The following DENND2D variants were observed in gnomAD, a reference collection of about 807,000 sequenced individuals.
The protein encoded by DENND2D is DENN domain-containing protein 2D.
In DENND2D, 37 loss-of-function variants were observed where a neutral mutation model predicts 59.8. The observed-to-expected ratio is 0.62, with a 90% confidence interval of 0.48 to 0.81. The LOEUF is 0.81. Among genes scored for constraint, DENND2D ranks in the 40% least tolerant of loss-of-function variants. The pLI, the probability that DENND2D is intolerant of heterozygous loss-of-function variation, is 0.00. For missense variants in DENND2D, 525 were observed against 579.7 expected (o/e 0.91, Z 0.97); for synonymous variants, 219 against 211.3 (o/e 1.04, Z -0.31).
chr1:111,197,867 C>T (rs374573409), intron 4 of DENND2D, 53 bp downstream of exon 4: 91 of 1,610,992 alleles, frequency 5.6e-5, no homozygotes, highest in Admixed American at 1.5e-4. Flanking sequence ...CAAGCCCAGC[C>T]GTGGAGCTGA....
chr1:111,194,499 C>G (rs776117297), intron 7 of DENND2D, 79 bp downstream of exon 7: 11 of 1,540,566 alleles, frequency 7.1e-6, no homozygotes, highest in Non-Finnish European at 9.7e-6. Context: ...GCCCATTTTC[C>G]TTGGATAACC....
chr1:111,190,676 C>T (rs945650575), intron 8 of DENND2D, among the ~76,000 whole-genome samples: 6 of 152,186 alleles, frequency 3.9e-5, no homozygotes, highest in Non-Finnish European at 7.3e-5. Flanking sequence ...TTTAAATGCC[C>T]GCTGGGCCTC....
Position 111,187,536 on chromosome 1 carries a change from T to G in DENND2D, c.*69A>C. 1 of 1,382,436 alleles carries G rather than the reference T, an allele frequency of 7.2e-7. No individual in the cohort carries two copies. The highest frequency in any genetic ancestry group is 1.0e-6 in the Non-Finnish European group (1 of 973,706). 85.6% of individuals were successfully genotyped at this position (1,382,436 alleles called of 1,614,324 possible). ...TGGGAGCTGACAGTTTTGCTGATCCTGCCACACTGGCAGGGGCTGAAGTCC... is the reference window on the plus strand; with the variant it reads ...TGGGAGCTGACAGTTTTGCTGATCCGGCCACACTGGCAGGGGCTGAAGTCC... On this transcript the variant is annotated 3_prime_UTR_variant, in exon 12 of 12. Transcript: ENST00000357640.
intron 3 of DENND2D, 34 bp downstream of exon 3, chr1:111,198,596 A>C: frequency 1.2e-6 from 2 of 1,606,382 alleles, no homozygotes; most frequent in Non-Finnish European, 1.7e-6. Flanking sequence ...CTTCTCCCCA[A>C]ATCCAATACC....
intron 5 of DENND2D, 21 bp downstream of exon 5, chr1:111,197,155 C>T (rs772592890): frequency 1.9e-6 from 3 of 1,611,044 alleles, no homozygotes. Context: ...ATGGGCAGGC[C>T]CTGAGGAATC....
upstream of DENND2D, chr1:111,202,561 G>A (rs1292231173): frequency 6.6e-6 from 1 of 152,160 alleles, no homozygotes; most frequent in African/African-American, 2.4e-5. Context: ...ACACACACCT[G>A]ACTGAAGTCC....
upstream of DENND2D, chr1:111,204,215 A>C (rs1338785433): frequency 1.5e-6 from 2 of 1,358,196 alleles, no homozygotes; most frequent in African/African-American, 3.2e-5. Context: ...GCCGCCCTCC[A>C]CCGGGCCCCA....
chr1:111,190,152 A>T (rs1657625712), intron 8 of DENND2D, among the ~76,000 whole-genome samples: 1 of 136,456 alleles, frequency 7.3e-6, no homozygotes, highest in South Asian at 2.5e-4. Context: ...CGACACAGCG[A>T]GACTCTGTCT....
rs1657419389 is a variant in DENND2D, at chr1:111,188,381, T to C, written c.1100-11A>G. On this transcript the variant is annotated splice_polypyrimidine_tract_variant and intron_variant, in intron 10 of 11. Coordinates refer to ENST00000357640, the MANE Select transcript of DENND2D (RefSeq NM_024901.5). ...TGATTTGTTCTGCAGCTGCAGGAGA[T>C]ATAAAGGCCATCTCAGAGGGTAGCA... 6.2e-7 allele frequency: 1 copy of C among 1,611,630 alleles called. No homozygotes were observed. The highest frequency in any genetic ancestry group is 1.7e-5 in the Admixed American group (1 of 59,958).
chr1:111,195,724 G>A lies in DENND2D; in HGVS notation c.645+192C>T, dbSNP rs1571189361. 5 of 696,036 alleles carry A rather than the reference G, an allele frequency of 7.2e-6. No homozygotes were observed. In the East Asian group the frequency reaches 1.1e-4, roughly 15 times the overall value. The allele number at this position is 696,036 out of a possible 1,614,324, so 43.1% of individuals were successfully genotyped here. A position where few individuals can be genotyped will look rare whatever the true frequency, so the allele number is the denominator to read the frequency against. On this transcript the variant is annotated intron_variant, in intron 6 of 11. Transcript: ENST00000357640. ...TGGCTTGAGCAGTAACTAGGTGCTTGTGGGTATCAAGTTAGAAGGATCAGA... is the reference window on the plus strand; with the variant it reads ...TGGCTTGAGCAGTAACTAGGTGCTTATGGGTATCAAGTTAGAAGGATCAGA...
chr1:111,198,036 TAAAACAGGAA>T (rs1658415969), intron 3 of DENND2D, 47 bp from the exon 4 acceptor site: 1 of 1,593,014 alleles, frequency 6.3e-7, no homozygotes, highest in Non-Finnish European at 8.6e-7. Flanking sequence ...CACTGAATCC[TAAAACAGGAA>T]AGTGGTCAGC....
Position 111,200,373 on chromosome 1 carries a change from G to A in DENND2D, c.67+20C>T, listed in dbSNP as rs1347007586. On this transcript the variant is annotated intron_variant, in intron 1 of 11. Transcript: ENST00000357640. ...AGAGGGTCACCCTAAAAACAAGGAA[G>A]TAGGCAGTCCAGTCCTGACCTGCTC... The A allele has an allele frequency of 6.2e-7, 1 of 1,608,572 alleles. No homozygotes were observed. The highest frequency in any genetic ancestry group is 8.5e-7 in the Non-Finnish European group (1 of 1,177,356).
Position 111,187,027 on chromosome 1 carries a change from T to A in DENND2D, c.*578A>T, listed in dbSNP as rs1657289756. 1 of 152,704 alleles carries A rather than the reference T, an allele frequency of 6.5e-6. No individual in the cohort carries two copies. The highest frequency in any genetic ancestry group is 2.4e-5 in the African/African-American group (1 of 41,422). The allele number at this position is 152,704 out of a possible 1,614,324, so 9.5% of individuals were successfully genotyped here. ...CTCTTACCCTTCCGGTTAGAAGAAGTAGAGCTGCTGCCCCCCATGATTCTA... is the reference window on the plus strand; with the variant it reads ...CTCTTACCCTTCCGGTTAGAAGAAGAAGAGCTGCTGCCCCCCATGATTCTA... On this transcript the variant is annotated 3_prime_UTR_variant, in exon 12 of 12. Coordinates refer to ENST00000357640, the MANE Select transcript of DENND2D (RefSeq NM_024901.5).
At position 111,186,300 on chromosome 1, in the gene DENND2D, C is replaced by CA. The variant is rs3215959; in HGVS notation, c.*1304dup. On this transcript the variant is annotated 3_prime_UTR_variant, in exon 12 of 12. Transcript: ENST00000357640. ...TTTAGGCACCACTGCCATAAACTACCAAAAAAAAATGTAATTCCTAGAAGC... is the reference window on the plus strand; with the variant it reads ...TTTAGGCACCACTGCCATAAACTACCAAAAAAAAAATGTAATTCCTAGAAGC... Among the ~76,000 whole-genome samples, 64,327 of 151,030 alleles carry CA rather than the reference C, an allele frequency of 0.43. 14,017 individuals are homozygous for CA. The highest frequency in any genetic ancestry group is 0.57 in the South Asian group (2,741 of 4,770).
chr1:111,202,696 T>TACACACACACACACACACAC (rs5741908), upstream of DENND2D, among the ~76,000 whole-genome samples: 5 of 142,858 alleles, frequency 3.5e-5, 1 homozygote, highest in Middle Eastern at 6.5e-3. Context: ...GTCACCAGGA[T>TACACACACACACACACACAC]ACACACACAC....
In DENND2D at chr1:111,197,169, T is replaced by A. The variant is rs1420086457; in HGVS notation, c.504+7A>T. 14 of 1,593,318 alleles carry A rather than the reference T, an allele frequency of 8.8e-6. No homozygotes were observed. The highest frequency in any genetic ancestry group is 1.2e-5 in the Non-Finnish European group (14 of 1,170,898). On this transcript the variant is annotated splice_region_variant and intron_variant, in intron 5 of 11. Transcript: ENST00000357640. ...TATGGGCAGGCCCTGAGGAATCCTA[T>A]CCCTACCTTGGAGAACAAGCCGAAG...
At chr1:111,195,540 GA>G in intron 6 of DENND2D, 1 of 225,422 alleles carries the variant, frequency 4.4e-6, no homozygotes, top group Non-Finnish European at 9.0e-6. Flanking sequence ...TGGATGATAA[GA>G]AATGGACAGA....
upstream of DENND2D, among the ~76,000 whole-genome samples, chr1:111,201,857 A>C (rs1432478789): frequency 2.0e-5 from 3 of 152,228 alleles, no homozygotes; most frequent in Non-Finnish European, 2.9e-5. Flanking sequence ...AAAGATGTTC[A>C]AATGCTGTAA....
chr1:111,195,763 A>G (rs1658169565), intron 6 of DENND2D, 153 bp downstream of exon 6: 2 of 1,112,582 alleles, frequency 1.8e-6, no homozygotes, highest in Non-Finnish European at 2.6e-6. Flanking sequence ...TCTGGGTTTG[A>G]TTTCAGCTTT....
Sources: allele counts gnomAD v4.1 joint callset (sites outside exome capture counted in the v4.1 genomes callset), GRCh38; gene constraint gnomAD v4.1.1; transcripts MANE v1.5; gene names NCBI Gene and HGNC (gene_info 2026-07-23, HGNC 2026-07-21).